Variants in ANKS1B observed in about 807,000 individuals in gnomAD.
ANKS1B encodes the protein ankyrin repeat and sterile alpha motif domain-containing protein 1B.
In ANKS1B, 36 loss-of-function variants were observed where a neutral mutation model predicts 148.3. That is an observed-to-expected ratio of 0.24 (90% confidence interval 0.19 to 0.32). The LOEUF (loss-of-function observed/expected upper bound fraction) is 0.32, where lower values mean the gene tolerates loss of function less well. ANKS1B is among the 10% of genes least tolerant of loss of function. ANKS1B has a pLI of 1.00. For missense variants in ANKS1B, 1,157 were observed against 1,542.6 expected (o/e 0.75, Z 4.19); for synonymous variants, 542 against 560.8 (o/e 0.97, Z 0.47).
chr12:99,304,181 A>C (rs759349115), intron 12 of ANKS1B, among the ~76,000 whole-genome samples: 2 of 152,080 alleles, frequency 1.3e-5, no homozygotes, highest in Non-Finnish European at 2.9e-5. Flanking sequence ...TTCTTTAAGG[A>C]GTCTCCATAC....
intron 17 of ANKS1B, among the ~76,000 whole-genome samples, chr12:98,854,887 C>T (rs555073690): frequency 9.2e-5 from 14 of 152,290 alleles, no homozygotes; most frequent in South Asian, 6.2e-4. Context: ...TGGCCGGGCG[C>T]GGTGGCTCAC....
chr12:99,285,070 A>G (rs9971869), intron 12 of ANKS1B, among the ~76,000 whole-genome samples: 3,933 of 152,278 alleles, frequency 0.026, 166 homozygotes, highest in African/African-American at 0.089. Context: ...TGGCATATCT[A>G]TCATCCAAAA....
At chr12:98,792,956 T>G (rs373209045) in intron 22 of ANKS1B, among the ~76,000 whole-genome samples, 2 of 152,214 alleles carry the variant, frequency 1.3e-5, no homozygotes, top group Non-Finnish European at 2.9e-5. Flanking sequence ...AACATACTGA[T>G]TTCATTTCCT....
intron 8 of ANKS1B, among the ~76,000 whole-genome samples, chr12:99,740,068 T>C (rs1418556165): frequency 6.6e-6 from 1 of 152,204 alleles, no homozygotes; most frequent in Non-Finnish European, 1.5e-5. Flanking sequence ...CCAGCACTTT[T>C]GGAGACAGAG....
chr12:99,958,205 A>G (rs2153829313), intron 1 of ANKS1B, among the ~76,000 whole-genome samples: 1 of 152,286 alleles, frequency 6.6e-6, no homozygotes, highest in East Asian at 1.9e-4. Flanking sequence ...TGGAAAGTCC[A>G]TGATGCCTGC....
intron 1 of ANKS1B, among the ~76,000 whole-genome samples, chr12:99,959,828 T>C (rs963088982): frequency 6.6e-6 from 1 of 152,166 alleles, no homozygotes; most frequent in African/African-American, 2.4e-5. Context: ...ACCCAGAGAA[T>C]CTAGTGAAGA....
At chr12:98,797,147 C>T (rs1430077781) in intron 22 of ANKS1B, among the ~76,000 whole-genome samples, 2 of 152,138 alleles carry the variant, frequency 1.3e-5, no homozygotes, top group Non-Finnish European at 2.9e-5. Context: ...ATTGGTGACA[C>T]AAATTAGGCC....
At chr12:99,681,972 T>C (rs1420619653) in intron 8 of ANKS1B, among the ~76,000 whole-genome samples, 1 of 152,214 alleles carries the variant, frequency 6.6e-6, no homozygotes, top group East Asian at 1.9e-4. Flanking sequence ...TAGCTATTCT[T>C]ACATAAGGTA....
intron 17 of ANKS1B, among the ~76,000 whole-genome samples, chr12:98,832,799 T>C (rs116427218): frequency 0.031 from 4,743 of 152,218 alleles, 107 homozygotes; most frequent in African/African-American, 0.057. Context: ...AAGCACTTTC[T>C]TTACAAGCTT....
intron 11 of ANKS1B, among the ~76,000 whole-genome samples, chr12:99,436,215 C>T (rs1348914507): frequency 6.6e-6 from 1 of 151,860 alleles, no homozygotes; most frequent in Non-Finnish European, 1.5e-5. Context: ...ATCAGTATTC[C>T]ACCTCGATTA....
intron 14 of ANKS1B, among the ~76,000 whole-genome samples, chr12:99,227,239 T>C (rs151100199): frequency 1.3e-5 from 2 of 152,158 alleles, no homozygotes; most frequent in Admixed American, 1.3e-4. Context: ...AAGTGTTTGG[T>C]ACCTCCCCCC....
chr12:98,773,204 A>G, intron 24 of ANKS1B, 25 bp from the exon 25 acceptor site: 1 of 1,586,628 alleles, frequency 6.3e-7, no homozygotes, highest in Non-Finnish European at 8.6e-7. Flanking sequence ...ATAAATGATC[A>G]TTGTTTTCCT....
chr12:98,850,789 GA>G (rs369271351), intron 17 of ANKS1B, among the ~76,000 whole-genome samples: 1,096 of 9,032 alleles, frequency 0.12, 15 homozygotes, highest in African/African-American at 0.31. Context: ...TTTTAAGATG[GA>G]AAAAAAAAAA....
At chr12:99,350,969 AAATC>A (rs2091347689) in intron 12 of ANKS1B, among the ~76,000 whole-genome samples, 1 of 152,108 alleles carries the variant, frequency 6.6e-6, no homozygotes, top group Non-Finnish European at 1.5e-5. Flanking sequence ...CTCTTTTCCC[AAATC>A]ATTCTCATTT....
chr12:99,428,687 A>C (rs2095308612), intron 11 of ANKS1B, among the ~76,000 whole-genome samples: 1 of 152,162 alleles, frequency 6.6e-6, no homozygotes, highest in African/African-American at 2.4e-5. Context: ...TTATATACAA[A>C]TATTCTCTAG....
chr12:99,750,809 C>T (rs1186148438), intron 8 of ANKS1B, among the ~76,000 whole-genome samples: 4 of 152,070 alleles, frequency 2.6e-5, no homozygotes. Flanking sequence ...AATCTGAACT[C>T]CCCCTTTGAG....
intron 17 of ANKS1B, among the ~76,000 whole-genome samples, chr12:98,875,553 G>A (rs527619030): frequency 1.2e-4 from 19 of 152,150 alleles, no homozygotes; most frequent in Non-Finnish European, 2.2e-4. Context: ...ATGCCATGCA[G>A]ATGCCATATT....
rs559370721 is a variant in ANKS1B, at chr12:99,709,501, C to T, written c.1129-54291G>A. ...ACAAATTTTAATGTTAATTAAGGCT[C>T]ACGACAACAGATGCTGCAGGTATTA... On this transcript the variant is annotated intron_variant, in intron 8 of 26. Transcript: ENST00000683438. Among the ~76,000 whole-genome samples, 172 of 152,162 alleles carry T rather than the reference C, an allele frequency of 1.1e-3. 2 individuals carry two copies. Among genetic ancestry groups the T allele is most frequent in the African/African-American group, 4.1e-3 (170 of 41,514 alleles).
At chr12:99,648,137 G>A in intron 9 of ANKS1B, 1 of 1,584,124 alleles carries the variant, frequency 6.3e-7, no homozygotes, top group Non-Finnish European at 8.6e-7. Context: ...GGAAGGTGTG[G>A]AGCAGCTGCT....
Sources: allele counts gnomAD v4.1 joint callset (sites outside exome capture counted in the v4.1 genomes callset), GRCh38; gene constraint gnomAD v4.1.1; transcripts MANE v1.5; gene names NCBI Gene and HGNC (gene_info 2026-07-23, HGNC 2026-07-21).